CACNA2D4: variants seen among roughly 807,000 people sequenced by gnomAD.
CACNA2D4 encodes voltage-dependent calcium channel subunit alpha-2/delta-4.
A neutral mutation model predicts 163.8 loss-of-function variants in CACNA2D4; 157 were observed. That is an observed-to-expected ratio of 0.96 (90% CI 0.84 to 1.09). CACNA2D4 has a LOEUF of 1.09. Among genes scored for constraint, CACNA2D4 ranks in the 50% least tolerant of loss-of-function variants. CACNA2D4 has a pLI of 0.00. For missense variants in CACNA2D4, 1,410 were observed against 1,479.9 expected (o/e 0.95, Z 0.78); for synonymous variants, 598 against 586.9 (o/e 1.02, Z -0.27).
chr12:1,804,613 G>C (rs1258905985), intron 29 of CACNA2D4, among the ~76,000 whole-genome samples: 1 of 152,202 alleles, frequency 6.6e-6, no homozygotes, highest in African/African-American at 2.4e-5. Context: ...TTTAATTATG[G>C]CAGCCATGTG....
chr12:1,882,109 T>C (rs1055612711), intron 13 of CACNA2D4, among the ~76,000 whole-genome samples: 5 of 152,218 alleles, frequency 3.3e-5, no homozygotes, highest in African/African-American at 1.2e-4. Flanking sequence ...AGTTGACTCA[T>C]GTTCCACCAG....
intron 6 of CACNA2D4, among the ~76,000 whole-genome samples, chr12:1,906,646 T>C (rs1866665760): frequency 6.6e-6 from 1 of 152,198 alleles, no homozygotes; most frequent in Non-Finnish European, 1.5e-5. Flanking sequence ...CGTGAACTGC[T>C]GCATGGAAGA....
At position 1,795,784 on chromosome 12, in the gene CACNA2D4, C is replaced by T; in HGVS notation, c.3114-4G>A. 6.3e-7 allele frequency: 1 copy of T among 1,591,962 alleles called. No individual in the cohort carries two copies. The highest frequency in any genetic ancestry group is 8.6e-7 in the Non-Finnish European group (1 of 1,159,836). ...AATCTGCTGCACCACAAATACCCTG[C>T]AGCAAAGAAAGGGAGTCGAGGATGG... is the stretch of plus-strand genomic sequence containing the variant. On this transcript the variant is annotated splice_polypyrimidine_tract_variant and splice_region_variant and intron_variant, in intron 35 of 37. Coordinates refer to ENST00000382722, the MANE Select transcript of CACNA2D4 (RefSeq NM_172364.5).
chr12:1,882,890 T>C lies in CACNA2D4; in HGVS notation c.1462A>G (p.Thr488Ala), dbSNP rs1238420944. ...ACCTTGCTGTCCATGTAGGCCTCTGTCCAGATGATGTCGTGGTCGTGGTTG... is the reference window on the plus strand; with the variant it reads ...ACCTTGCTGTCCATGTAGGCCTCTGCCCAGATGATGTCGTGGTCGTGGTTG... ...VINHDHDIIWTEAYMDSKLLS... is the reference protein window; with the variant it reads ...VINHDHDIIWAEAYMDSKLLS... The change falls in exon 13 of 38, where the codon ACA (threonine) becomes GCA (alanine). Residue 488 changes from threonine to alanine, a missense_variant. Physicochemically the swap from Thr to Ala is moderately conservative, Grantham distance 58. Coordinates refer to ENST00000382722, the MANE Select transcript of CACNA2D4 (RefSeq NM_172364.5). 1 of 1,613,842 alleles carries C rather than the reference T, an allele frequency of 6.2e-7. No individual in the cohort carries two copies. Among genetic ancestry groups the C allele is most frequent in the East Asian group, 2.2e-5 (1 of 44,870 alleles).
intron 34 of CACNA2D4, among the ~76,000 whole-genome samples, chr12:1,797,954 A>G (rs1157753100): frequency 6.6e-6 from 1 of 151,990 alleles, no homozygotes; most frequent in Non-Finnish European, 1.5e-5. Context: ...TTCACTGTGG[A>G]CAGACGCAGT....
At chr12:1,899,394 T>C (rs189033557) in intron 6 of CACNA2D4, among the ~76,000 whole-genome samples, 1 of 151,676 alleles carries the variant, frequency 6.6e-6, no homozygotes. Context: ...CTGACAAGAC[T>C]AACAAAATAA....
Position 1,808,786 on chromosome 12 carries a change from A to G in CACNA2D4, c.2721+1492T>C, listed in dbSNP as rs78510488. On this transcript the variant is annotated intron_variant, in intron 29 of 37. Transcript: ENST00000382722. ...CGAATGAGGGGGCATCAGTGATCCCAGAGCCTCACACCAACCACTGGTTTC... is the reference window on the plus strand; with the variant it reads ...CGAATGAGGGGGCATCAGTGATCCCGGAGCCTCACACCAACCACTGGTTTC... Among the ~76,000 whole-genome samples, 78 of 152,358 alleles carry G rather than the reference A, an allele frequency of 5.1e-4. No homozygotes were observed. In the East Asian group the frequency reaches 0.015, roughly 29 times the overall value.
At position 1,802,397 on chromosome 12, in the gene CACNA2D4, C is replaced by T. The variant is rs183134561; in HGVS notation, c.2722-753G>A. On this transcript the variant is annotated intron_variant, in intron 29 of 37. Coordinates refer to ENST00000382722, the MANE Select transcript of CACNA2D4 (RefSeq NM_172364.5). This position sits in a 1 kb window ranked among gnomAD's most constrained non-coding sequence, Gnocchi z 4.7. ...CAAAAAATAAAACAGGACCCTCCCT[C>T]CTGCCCCCGGCTCCCCTTTTGTTGT... 6.6e-6 allele frequency among the ~76,000 whole-genome samples: 1 copy of T among 152,356 alleles called. No homozygotes were observed. Among genetic ancestry groups the T allele is most frequent in the East Asian group, 1.9e-4 (1 of 5,190 alleles).
intron 7 of CACNA2D4, 151 bp downstream of exon 7, chr12:1,886,858 C>T (rs1485599753): frequency 1.6e-6 from 1 of 610,232 alleles, no homozygotes; most frequent in African/African-American, 1.8e-5. Flanking sequence ...TGCTGGCCCT[C>T]TTCCTGCTCT....
Position 1,840,801 on chromosome 12 carries a change from A to G in CACNA2D4, c.2489T>C (p.Met830Thr), listed in dbSNP as rs1293713568. 1.6e-5 allele frequency: 26 copies of G among 1,613,306 alleles called. No individual in the cohort carries two copies. Among genetic ancestry groups the G allele is most frequent in the Non-Finnish European group, 2.2e-5 (26 of 1,179,828 alleles). Residue 830 changes from methionine to threonine, a missense_variant, in exon 26 of 38, where the codon ATG (methionine) becomes ACG (threonine). Met to Thr is a moderately conservative substitution (Grantham distance 81). Coordinates refer to ENST00000382722, the MANE Select transcript of CACNA2D4 (RefSeq NM_172364.5). ...AEGPESAGEPMVVTASTAVAV... is the reference protein window; with the variant it reads ...AEGPESAGEPTVVTASTAVAV... Reference sequence around the variant, plus strand: ...CACAGCTGTGCTTGCCGTCACCACCATGGGTTCACCCGCACTTTCTGGGGA... The same window carrying G: ...CACAGCTGTGCTTGCCGTCACCACCGTGGGTTCACCCGCACTTTCTGGGGA...
chr12:1,856,895 T>C (rs1178831134), intron 20 of CACNA2D4, among the ~76,000 whole-genome samples: 1 of 152,162 alleles, frequency 6.6e-6, no homozygotes, highest in Non-Finnish European at 1.5e-5. Flanking sequence ...GGGGCATCTG[T>C]GGAGCCTCAC....
chr12:1,818,168 C>T lies in CACNA2D4; in HGVS notation c.2552-6445G>A, dbSNP rs527619143. On this transcript the variant is annotated intron_variant, in intron 26 of 37. Coordinates refer to ENST00000382722, the MANE Select transcript of CACNA2D4 (RefSeq NM_172364.5). ...CTGGGAAGTGAGGAGCCCCTCCGCC[C>T]GGCAGCCGCCCCGTCTGAGAAGTGA... Among the ~76,000 whole-genome samples the T allele has an allele frequency of 6.3e-4, 93 of 148,608 alleles. 5 individuals carry two copies. The highest frequency in any genetic ancestry group is 2.2e-3 in the African/African-American group (89 of 40,298).
intron 1 of CACNA2D4, 129 bp from the exon 2 acceptor site, chr12:1,915,064 CAT>C (rs1257651139): frequency 1.4e-6 from 1 of 735,716 alleles, no homozygotes; most frequent in African/African-American, 1.7e-5. Context: ...CTGATGCATG[CAT>C]ACTCCAACAC....
intron 13 of CACNA2D4, among the ~76,000 whole-genome samples, chr12:1,881,092 T>G (rs926732314): frequency 3.3e-5 from 5 of 152,226 alleles, no homozygotes; most frequent in South Asian, 2.1e-4. Flanking sequence ...GACCTGCAGG[T>G]GACCCTTAAC....
chr12:1,903,127 T>C (rs915743951), intron 6 of CACNA2D4, among the ~76,000 whole-genome samples: 13 of 152,114 alleles, frequency 8.5e-5, no homozygotes, highest in Admixed American at 3.9e-4. Context: ...GGACAGTCTC[T>C]TCAATAAATG....
At chr12:1,873,992 T>G (rs960895750) in intron 18 of CACNA2D4, among the ~76,000 whole-genome samples, 1 of 151,510 alleles carries the variant, frequency 6.6e-6, no homozygotes, top group Non-Finnish European at 1.5e-5. Context: ...GAGGAGGAGG[T>G]GGGGGTGGCT....
intron 1 of CACNA2D4, 191 bp from the exon 2 acceptor site, chr12:1,915,126 TA>T: frequency 1.4e-6 from 1 of 704,602 alleles, no homozygotes; most frequent in Admixed American, 2.0e-5. Context: ...CACACATACA[TA>T]CCCCCCACAC....
intron 23 of CACNA2D4, 31 bp downstream of exon 23, chr12:1,853,919 TG>T: frequency 1.3e-6 from 2 of 1,565,534 alleles, no homozygotes; most frequent in Non-Finnish European, 1.8e-6. Context: ...GGGGGCTGGT[TG>T]GGGCCTGGGA....
rs1169086199 is a variant in CACNA2D4, at chr12:1,844,805, T to C, written c.2343-276A>G. ...TAAACTCTTTTGCCTGCAGGGATTCTTTCTTTTGGATAGAGCCCAATTTCT... is the reference window on the plus strand; with the variant it reads ...TAAACTCTTTTGCCTGCAGGGATTCCTTCTTTTGGATAGAGCCCAATTTCT... On this transcript the variant is annotated intron_variant, in intron 24 of 37. Transcript: ENST00000382722. The surrounding 1 kb of genome is among the most constrained non-coding windows in gnomAD (Gnocchi z 4.2). 1.3e-5 allele frequency among the ~76,000 whole-genome samples: 2 copies of C among 152,214 alleles called. No homozygotes were observed. Among genetic ancestry groups the C allele is most frequent in the Non-Finnish European group, 2.9e-5 (2 of 68,042 alleles).
Sources: allele counts gnomAD v4.1 joint callset (sites outside exome capture counted in the v4.1 genomes callset), GRCh38; gene constraint gnomAD v4.1.1; non-coding constraint Gnocchi (gnomAD v3.1); transcripts MANE v1.5; gene names NCBI Gene and HGNC (gene_info 2026-07-23, HGNC 2026-07-21).